TLE1: variants seen among roughly 807,000 people sequenced by gnomAD.
The protein encoded by TLE1 is transducin-like enhancer protein 1.
A neutral mutation model predicts 89.8 loss-of-function variants in TLE1; 21 were observed. The observed-to-expected ratio is 0.23, with a 90% CI of 0.17 to 0.34. The LOEUF is 0.34. Among genes scored for constraint, TLE1 ranks in the 10% least tolerant of loss-of-function variants. The pLI, the probability that TLE1 is intolerant of heterozygous loss-of-function variation, is 1.00. For synonymous variants in TLE1, 447 were observed against 407.6 expected (o/e 1.10, Z -1.16); for missense variants, 795 against 1,031.2 (o/e 0.77, Z 3.14).
intron 8 of TLE1, among the ~76,000 whole-genome samples, chr9:81,625,633 G>A (rs543780778): frequency 9.2e-5 from 14 of 152,224 alleles, no homozygotes; most frequent in African/African-American, 3.4e-4. Flanking sequence ...AAGTAGGTGG[G>A]TTGACTGAAC....
At chr9:81,673,349 G>A (rs1022096994) in intron 4 of TLE1, among the ~76,000 whole-genome samples, 2 of 142,458 alleles carry the variant, frequency 1.4e-5, no homozygotes, top group African/African-American at 2.6e-5. Context: ...AAAGATAAAT[G>A]CTTATGATCT....
At chr9:81,619,796 G>A (rs1825002362) in intron 9 of TLE1, among the ~76,000 whole-genome samples, 1 of 152,152 alleles carries the variant, frequency 6.6e-6, no homozygotes, top group African/African-American at 2.4e-5. Context: ...GGTTTTAGCT[G>A]GATCTGTGAC....
At chr9:81,625,049 A>T (rs193244934) in intron 8 of TLE1, among the ~76,000 whole-genome samples, 205 of 152,322 alleles carry the variant, frequency 1.3e-3, no homozygotes, top group African/African-American at 4.3e-3. Context: ...GCTCAGTATC[A>T]GAAACATAAA....
intron 14 of TLE1, among the ~76,000 whole-genome samples, chr9:81,604,223 C>A (rs56129461): frequency 0.093 from 14,211 of 152,210 alleles, 842 homozygotes; most frequent in Non-Finnish European, 0.14. Flanking sequence ...TGCACCCCAT[C>A]CTAGGCTGTG....
chr9:81,611,680 C>A, intron 13 of TLE1, 89 bp downstream of exon 13: 8 of 1,279,612 alleles, frequency 6.3e-6, no homozygotes, highest in Non-Finnish European at 8.1e-6. Context: ...GCCCACGCAG[C>A]GCAGAGAGGC....
At chr9:81,623,935 A>C (rs780945289) in intron 8 of TLE1, among the ~76,000 whole-genome samples, 7 of 152,028 alleles carry the variant, frequency 4.6e-5, no homozygotes, top group Non-Finnish European at 7.4e-5. Flanking sequence ...CTGCTCCTTT[A>C]ATCTGGAGGA....
intron 4 of TLE1, among the ~76,000 whole-genome samples, chr9:81,662,995 G>T (rs1831008789): frequency 6.6e-6 from 1 of 151,832 alleles, no homozygotes; most frequent in African/African-American, 2.4e-5. Context: ...CTACAGGTGT[G>T]CACCACCACG....
intron 8 of TLE1, among the ~76,000 whole-genome samples, chr9:81,627,939 C>A (rs1031448177): frequency 1.3e-5 from 2 of 152,128 alleles, no homozygotes; most frequent in Admixed American, 6.6e-5. Flanking sequence ...AAAACCAAGG[C>A]TGGGTGCGGT....
rs762240300 is a variant in TLE1 at position 81,611,966 on chromosome 9, G to C, written c.1064-7C>G. On this transcript the variant is annotated splice_polypyrimidine_tract_variant and splice_region_variant and intron_variant, in intron 12 of 19. Coordinates refer to ENST00000376499, the MANE Select transcript of TLE1 (RefSeq NM_005077.5). ...GGTGTCCTCAAGCCAGCTGCTGAAA[G>C]GAAACACAAGCCGCACATCATTCAA... 1.4e-6 allele frequency: 2 copies of C among 1,437,594 alleles called. No individual in the cohort carries two copies. The highest frequency in any genetic ancestry group is 1.8e-6 in the Non-Finnish European group (2 of 1,093,650). The allele number at this position is 1,437,594 out of a possible 1,614,324, so 89.1% of individuals were successfully genotyped here.
At chr9:81,640,157 T>A (rs1186751119) in intron 6 of TLE1, among the ~76,000 whole-genome samples, 6 of 152,112 alleles carry the variant, frequency 3.9e-5, no homozygotes, top group Non-Finnish European at 8.8e-5. Context: ...GCCCAAAATG[T>A]CAACAGTGCT....
chr9:81,592,640 T>C (rs1829706106), intron 15 of TLE1, among the ~76,000 whole-genome samples: 1 of 152,156 alleles, frequency 6.6e-6, no homozygotes, highest in African/African-American at 2.4e-5. Context: ...AAATATTTAC[T>C]ATTCTATATT....
chr9:81,657,884 A>G (rs1347920675), intron 4 of TLE1, among the ~76,000 whole-genome samples: 3 of 151,312 alleles, frequency 2.0e-5, no homozygotes, highest in Non-Finnish European at 2.9e-5. Context: ...AAAAGTCTGT[A>G]CATGTTCACT....
At chr9:81,600,570 A>G (rs1830779787) in intron 14 of TLE1, among the ~76,000 whole-genome samples, 1 of 151,300 alleles carries the variant, frequency 6.6e-6, no homozygotes, top group African/African-American at 2.4e-5. Context: ...TTAAACTAAT[A>G]CCCACATGGC....
chr9:81,666,083 T>C (rs1831426174), intron 4 of TLE1, among the ~76,000 whole-genome samples: 1 of 152,186 alleles, frequency 6.6e-6, no homozygotes, highest in Admixed American at 6.5e-5. Flanking sequence ...AAATAGCACA[T>C]TTCCATTATT....
chr9:81,653,961 C>T lies in TLE1; in HGVS notation c.297+13G>A, dbSNP rs766027430. 5.0e-5 allele frequency: 80 copies of T among 1,613,136 alleles called. No individual in the cohort carries two copies. The highest frequency in any genetic ancestry group is 5.9e-5 in the Non-Finnish European group (69 of 1,179,446). On this transcript the variant is annotated intron_variant, in intron 5 of 19. Coordinates refer to ENST00000376499, the MANE Select transcript of TLE1 (RefSeq NM_005077.5). ...ACATAATTGCACTTTAACAGCTGAACAATTTTACTTACTTCCTGAGACAGA... is the reference window on the plus strand; with the variant it reads ...ACATAATTGCACTTTAACAGCTGAATAATTTTACTTACTTCCTGAGACAGA...
rs771246202 is a variant in TLE1 at position 81,687,431 on chromosome 9, G to A, written c.28C>T (p.Pro10Ser). ...AAGGGCTGGCCTGCAGCCTGGTGCG[G>A]CGTCTGGGGGCGACCAGCGAGGGGG... MFPQSRHPT[P>S]HQAAGQPFKF... Residue 10 changes from proline to serine, a missense_variant, in exon 2 of 20, where the codon CCG becomes TCG. Physicochemically the swap from Pro to Ser is moderately conservative, Grantham distance 74. Transcript: ENST00000376499. 2 of 1,608,138 alleles carry A rather than the reference G, an allele frequency of 1.2e-6. No homozygotes were observed. Among genetic ancestry groups the A allele is most frequent in the African/African-American group, 2.7e-5 (2 of 74,906 alleles).
intron 8 of TLE1, among the ~76,000 whole-genome samples, chr9:81,627,957 G>A (rs911133682): frequency 6.6e-6 from 1 of 152,090 alleles, no homozygotes; most frequent in Admixed American, 6.6e-5. Context: ...GGTGGCTCAC[G>A]CCTGTAATCT....
intron 17 of TLE1, among the ~76,000 whole-genome samples, chr9:81,587,171 G>T (rs1466573655): frequency 6.6e-6 from 1 of 152,176 alleles, no homozygotes; most frequent in Admixed American, 6.5e-5. Context: ...AAAGGATGAG[G>T]AATAAAATGG....
At chr9:81,642,843 A>AT (rs1385875958) in intron 6 of TLE1, among the ~76,000 whole-genome samples, 2 of 152,244 alleles carry the variant, frequency 1.3e-5, no homozygotes, top group Non-Finnish European at 2.9e-5. Flanking sequence ...CTGTTGATGG[A>AT]TGAACAGATA....
Sources: allele counts gnomAD v4.1 joint callset (sites outside exome capture counted in the v4.1 genomes callset), GRCh38; gene constraint gnomAD v4.1.1; transcripts MANE v1.5; gene names NCBI Gene and HGNC (gene_info 2026-07-23, HGNC 2026-07-21).